Variants in DAB1 observed in about 807,000 individuals in gnomAD.
DAB1 encodes the protein disabled homolog 1.
DAB1 carries 15 observed loss-of-function variants against 64.6 expected under a neutral mutation model. The observed-to-expected ratio is 0.23, with a 90% confidence interval of 0.16 to 0.36. The LOEUF is 0.36. DAB1 is among the 10% of genes least tolerant of loss of function. The pLI, the probability that DAB1 is intolerant of heterozygous loss-of-function variation, is 1.00. For missense variants in DAB1, 596 were observed against 706.7 expected (o/e 0.84, Z 1.78); for synonymous variants, 235 against 251.9 (o/e 0.93, Z 0.64).
At chr1:58,096,726 G>A (rs1396685511) in intron 5 of DAB1, among the ~76,000 whole-genome samples, 1 of 152,214 alleles carries the variant, frequency 6.6e-6, no homozygotes, top group Non-Finnish European at 1.5e-5. Flanking sequence ...AGTTACCAAT[G>A]CCTTGAGGGC....
chr1:57,744,900 A>T (rs1462697015), intron 6 of DAB1, among the ~76,000 whole-genome samples: 2 of 152,170 alleles, frequency 1.3e-5, no homozygotes, highest in Non-Finnish European at 2.9e-5. Flanking sequence ...TTTCTTTCTC[A>T]GTTTCAAGGA....
At chr1:58,453,470 C>T (rs1569819315) in intron 3 of DAB1, among the ~76,000 whole-genome samples, 1 of 152,204 alleles carries the variant, frequency 6.6e-6, no homozygotes, top group African/African-American at 2.4e-5. Flanking sequence ...AAAGGATCTC[C>T]TTCACTCCTG....
chr1:57,617,601 G>A (rs1645804650), intron 7 of DAB1, among the ~76,000 whole-genome samples: 1 of 152,088 alleles, frequency 6.6e-6, no homozygotes, highest in South Asian at 2.1e-4. Flanking sequence ...CTTTGACACT[G>A]GCATTGGAGA....
chr1:57,814,726 A>C (rs1023244289), intron 6 of DAB1, among the ~76,000 whole-genome samples: 1 of 152,206 alleles, frequency 6.6e-6, no homozygotes, highest in Non-Finnish European at 1.5e-5. Flanking sequence ...TCTGAGTTGG[A>C]ACCCGCTCTT....
intron 7 of DAB1, among the ~76,000 whole-genome samples, chr1:57,633,995 T>C (rs192265928): frequency 6.6e-6 from 1 of 152,342 alleles, no homozygotes; most frequent in East Asian, 1.9e-4. Context: ...GAATTGCAAA[T>C]ATAAACTTAC....
intron 5 of DAB1, among the ~76,000 whole-genome samples, chr1:57,981,427 T>A (rs545106999): frequency 2.0e-5 from 3 of 152,236 alleles, no homozygotes; most frequent in African/African-American, 7.2e-5. Flanking sequence ...TTAACAGAGT[T>A]TGAATTAATA....
intron 9 of DAB1, among the ~76,000 whole-genome samples, chr1:57,052,339 T>C (rs1649278591): frequency 6.6e-6 from 1 of 152,208 alleles, no homozygotes; most frequent in Non-Finnish European, 1.5e-5. Flanking sequence ...AGAATTTTTA[T>C]CATTTTCTCC....
intron 4 of DAB1, among the ~76,000 whole-genome samples, chr1:58,159,763 G>A (rs1291428804): frequency 6.6e-6 from 1 of 152,160 alleles, no homozygotes; most frequent in Non-Finnish European, 1.5e-5. Flanking sequence ...CAAGACACAG[G>A]TTAACTCACT....
chr1:58,444,519 C>T (rs927343903), intron 3 of DAB1, among the ~76,000 whole-genome samples: 2 of 152,180 alleles, frequency 1.3e-5, no homozygotes, highest in Admixed American at 6.5e-5. Context: ...GTTAGCACCC[C>T]AACCCTCACA....
chr1:57,624,803 A>AC (rs1198565566), intron 7 of DAB1, among the ~76,000 whole-genome samples: 1 of 152,230 alleles, frequency 6.6e-6, no homozygotes, highest in Non-Finnish European at 1.5e-5. Context: ...GAGTTTTCCT[A>AC]CATATGCTGG....
chr1:58,521,953 C>A (rs1646271653), intron 2 of DAB1, among the ~76,000 whole-genome samples: 2 of 152,112 alleles, frequency 1.3e-5, no homozygotes, highest in South Asian at 4.1e-4. Context: ...CAGGACATTA[C>A]AAGAAAAGAA....
intron 4 of DAB1, among the ~76,000 whole-genome samples, chr1:58,297,314 G>A (rs1469234869): frequency 5.9e-5 from 9 of 152,276 alleles, no homozygotes; most frequent in East Asian, 1.9e-4. Flanking sequence ...GGTATTACTT[G>A]GATAGGTTGC....
chr1:57,809,110 A>T (rs1412745083), intron 6 of DAB1, among the ~76,000 whole-genome samples: 1 of 152,194 alleles, frequency 6.6e-6, no homozygotes, highest in Non-Finnish European at 1.5e-5. Context: ...AACTGTGATG[A>T]ATATATTCCA....
chr1:57,543,964 C>T lies in DAB1; in HGVS notation n.625+105628G>A, dbSNP rs144314467. 4.1e-3 allele frequency among the ~76,000 whole-genome samples: 623 copies of T among 151,914 alleles called. 3 individuals are homozygous for T. The highest frequency in any genetic ancestry group is 0.014 in the African/African-American group (591 of 41,440). ...TCTACAAAAAAAATTAAAAATTAGC[C>T]GGGCATGGTGGCATGGACCTGTAGT... On this transcript the variant is annotated intron_variant and non_coding_transcript_variant, in intron 7 of 20. Transcript: ENST00000485760.
chr1:57,508,191 T>C (rs915579319), intron 7 of DAB1, among the ~76,000 whole-genome samples: 2 of 152,190 alleles, frequency 1.3e-5, no homozygotes, highest in African/African-American at 4.8e-5. Flanking sequence ...TTCCAACCTT[T>C]GTGCCTTGGC....
At chr1:58,054,910 T>C (rs935693885) in intron 5 of DAB1, among the ~76,000 whole-genome samples, 1 of 152,206 alleles carries the variant, frequency 6.6e-6, no homozygotes, top group African/African-American at 2.4e-5. Context: ...CAAGCAATGG[T>C]CCAGCACAGC....
intron 1 of DAB1, among the ~76,000 whole-genome samples, chr1:57,299,886 G>A (rs542997480): frequency 1.3e-5 from 2 of 152,016 alleles, no homozygotes; most frequent in African/African-American, 2.4e-5. Flanking sequence ...TTTTTATCTC[G>A]CTGGGCTTAC....
chr1:58,045,238 G>C (rs1464324872), intron 5 of DAB1, among the ~76,000 whole-genome samples: 1 of 152,172 alleles, frequency 6.6e-6, no homozygotes, highest in African/African-American at 2.4e-5. Flanking sequence ...GGAAGCACTT[G>C]CCACTGGGAG....
chr1:57,079,247 C>A (rs1326724021), intron 4 of DAB1, among the ~76,000 whole-genome samples: 1 of 151,868 alleles, frequency 6.6e-6, no homozygotes, highest in Admixed American at 6.6e-5. Context: ...ATGGTTTTTT[C>A]TTTCATATTC....
Sources: allele counts gnomAD v4.1 joint callset (sites outside exome capture counted in the v4.1 genomes callset), GRCh38; gene constraint gnomAD v4.1.1; transcripts MANE v1.5; gene names NCBI Gene and HGNC (gene_info 2026-07-23, HGNC 2026-07-21).